PALS1: variants seen among roughly 807,000 people sequenced by gnomAD.
PALS1 encodes the protein protein associated with LIN7 1, MAGUK p55 family member, also known as protein PALS1.
In PALS1, 31 loss-of-function variants were observed where a neutral mutation model predicts 78.9. The observed-to-expected ratio is 0.39, with a 90% CI of 0.30 to 0.53. The LOEUF is 0.53. PALS1 is among the 20% of genes least tolerant of loss of function. The probability of loss-of-function intolerance (pLI) is 0.67; values close to 1 mark genes in which losing one functional copy is unlikely to be tolerated. For synonymous variants in PALS1, 276 were observed against 270.9 expected (o/e 1.02, Z -0.18); for missense variants, 704 against 826.5 (o/e 0.85, Z 1.82).
At chr14:67,300,856 A>G (rs1338765415) in intron 4 of PALS1, among the ~76,000 whole-genome samples, 1 of 151,584 alleles carries the variant, frequency 6.6e-6, no homozygotes, top group African/African-American at 2.4e-5. Context: ...TTTTAATTAT[A>G]TAAAAAAATT....
At chr14:67,316,630 T>C (rs954535043) in intron 9 of PALS1, among the ~76,000 whole-genome samples, 3 of 152,200 alleles carry the variant, frequency 2.0e-5, no homozygotes, top group African/African-American at 7.2e-5. Context: ...ATAATACATA[T>C]GGGATTGATT....
intron 12 of PALS1, 76 bp from the exon 13 acceptor site, chr14:67,320,980 CT>C: frequency 8.3e-7 from 1 of 1,206,656 alleles, no homozygotes; most frequent in Non-Finnish European, 1.2e-6. Flanking sequence ...AATAGAAATT[CT>C]TTCTGACTAG....
In PALS1 at chr14:67,332,816, G is replaced by A. The variant is rs1413758873; in HGVS notation, c.1888G>A (p.Glu630Lys). Residue 630 changes from glutamate (E) to lysine (K), a missense_variant, in exon 15 of 15, where the codon GAG becomes AAG. Physicochemically the swap from Glu to Lys is moderately conservative, Grantham distance 56. Transcript: ENST00000261681. ...ELREIIEKTR[E>K]MEQNNGHYFD... ...GAGAGAAATCATTGAGAAGACAAGA[G>A]AGATGGAGCAGAACAATGGCCACTA... is the stretch of plus-strand genomic sequence containing the variant. 1 of 1,613,488 alleles carries A rather than the reference G, an allele frequency of 6.2e-7. No individual in the cohort carries two copies. The highest frequency in any genetic ancestry group is 2.2e-5 in the East Asian group (1 of 44,864).
chr14:67,251,055 A>G (rs1197567486), intron 1 of PALS1, among the ~76,000 whole-genome samples: 2 of 152,158 alleles, frequency 1.3e-5, no homozygotes, highest in African/African-American at 4.8e-5. Context: ...GAGATTAAAT[A>G]TTTTTTCCAT....
intron 1 of PALS1, among the ~76,000 whole-genome samples, chr14:67,255,627 G>A (rs142803883): frequency 3.7e-4 from 56 of 152,228 alleles, no homozygotes; most frequent in African/African-American, 1.2e-3. Context: ...ATAACACTTC[G>A]ATTACTTTTC....
Position 67,321,358 on chromosome 14 carries a change from A to G in PALS1, c.1740+99A>G. 2.7e-6 allele frequency: 3 copies of G among 1,093,814 alleles called. No individual in the cohort carries two copies. The South Asian group carries it at 4.2e-5, about 15-fold the overall frequency. The allele number at this position is 1,093,814 out of a possible 1,614,324, so 67.8% of individuals were successfully genotyped here. On this transcript the variant is annotated intron_variant, in intron 13 of 14. Transcript: ENST00000261681. The stretch of plus-strand genomic sequence containing the variant: ...TTTTGGTCCAAGAACAGCGCGACCT[A>G]ATTAAGTTCTCATACGGTTTTTCCC...
rs563362129 is a variant in PALS1 at position 67,265,673 on chromosome 14, A to G, written c.-236-4028A>G. Among the ~76,000 whole-genome samples, 15 of 152,268 alleles carry G rather than the reference A, an allele frequency of 9.9e-5. No homozygotes were observed. In the East Asian group the frequency reaches 2.9e-3, roughly 29 times the overall value. ...GAAGTTCAAGACCAGCCTAGCCAAC[A>G]TGGTAAAACCCTGTCTCTACTAAAA... On this transcript the variant is annotated intron_variant, in intron 1 of 14. Transcript: ENST00000261681.
chr14:67,308,783 C>G (rs1233875599), intron 8 of PALS1, among the ~76,000 whole-genome samples: 1 of 151,964 alleles, frequency 6.6e-6, no homozygotes, highest in East Asian at 1.9e-4. Flanking sequence ...ATGTCCCCTC[C>G]CATATTGTAT....
At chr14:67,315,421 T>TG (rs2085155620) in intron 9 of PALS1, among the ~76,000 whole-genome samples, 1 of 151,686 alleles carries the variant, frequency 6.6e-6, no homozygotes, top group African/African-American at 2.4e-5. Context: ...GGACTACAGG[T>TG]GCCCACCACC....
At chr14:67,315,866 G>C (rs1464695467) in intron 9 of PALS1, among the ~76,000 whole-genome samples, 1 of 152,186 alleles carries the variant, frequency 6.6e-6, no homozygotes, top group Non-Finnish European at 1.5e-5. Context: ...CGGAGGTTGC[G>C]GTGAGCCAAG....
intron 5 of PALS1, 31 bp downstream of exon 5, chr14:67,301,497 G>A (rs775517015): frequency 2.7e-6 from 4 of 1,492,362 alleles, no homozygotes; most frequent in Non-Finnish European, 3.7e-6. Context: ...TATATATGTG[G>A]TTTTTCCAGC....
chr14:67,320,314 T>C lies in PALS1; in HGVS notation c.1454T>C (p.Ile485Thr), dbSNP rs1191939880. ...PANRKRPIIL[I>T]GPQNCGQNEL... ...AATAGGAAGAGACCTATCATCTTGATTGGTCCACAGAACTGTGGCCAGAAT... is the reference window on the plus strand; with the variant it reads ...AATAGGAAGAGACCTATCATCTTGACTGGTCCACAGAACTGTGGCCAGAAT... The change falls in exon 12 of 15, where the codon ATT (isoleucine) becomes ACT (threonine). Residue 485 changes from isoleucine (I) to threonine (T), a missense_variant. Coordinates refer to ENST00000261681, the MANE Select transcript of PALS1 (RefSeq NM_022474.4). 3 of 1,614,062 alleles carry C rather than the reference T, an allele frequency of 1.9e-6. No individual in the cohort carries two copies. The highest frequency in any genetic ancestry group is 2.5e-6 in the Non-Finnish European group (3 of 1,179,980).
chr14:67,331,380 T>C (rs1376268014), intron 14 of PALS1, among the ~76,000 whole-genome samples: 3 of 152,058 alleles, frequency 2.0e-5, no homozygotes, highest in Non-Finnish European at 2.9e-5. Context: ...TACTCAATGA[T>C]AGAAGTGCTG....
rs745476727 is a variant in PALS1, at chr14:67,332,778, A to C, written c.1852-2A>C. ...CTCACAGTTTTTATCTTCTGTTTGCAGCCTGAAGAGTTGAGAGAAATCATT... is the reference window on the plus strand; with the variant it reads ...CTCACAGTTTTTATCTTCTGTTTGCCGCCTGAAGAGTTGAGAGAAATCATT... On this transcript the variant is annotated splice_acceptor_variant, in intron 14 of 14. Transcript: ENST00000261681. LOFTEE classifies it high-confidence loss of function. 1 of 1,604,044 alleles carries C rather than the reference A, an allele frequency of 6.2e-7. No individual in the cohort carries two copies. The highest frequency in any genetic ancestry group is 8.5e-7 in the Non-Finnish European group (1 of 1,172,776).
At chr14:67,273,328 T>C (rs186796074) in intron 2 of PALS1, among the ~76,000 whole-genome samples, 241 of 146,364 alleles carry the variant, frequency 1.6e-3, no homozygotes, top group African/African-American at 5.9e-3. Flanking sequence ...TGTGTCCAAG[T>C]GTTCTCATTT....
At position 67,334,262 on chromosome 14, in the gene PALS1, T is replaced by A. The variant is rs966635651; in HGVS notation, c.*1306T>A. On this transcript the variant is annotated 3_prime_UTR_variant, in exon 15 of 15. Coordinates refer to ENST00000261681, the MANE Select transcript of PALS1 (RefSeq NM_022474.4). ...AGAAACATTTAAGCTAATAGGATTT[T>A]CGTACTGTCTCTATAGCTGTAGCTT... 4 of 152,650 alleles carry A rather than the reference T, an allele frequency of 2.6e-5. No homozygotes were observed. The highest frequency in any genetic ancestry group is 6.5e-5 in the Admixed American group (1 of 15,274). The allele number at this position is 152,650 out of a possible 1,614,324, so 9.5% of individuals were successfully genotyped here. A position where few individuals can be genotyped will look rare whatever the true frequency, so the allele number is the denominator to read the frequency against.
intron 2 of PALS1, among the ~76,000 whole-genome samples, chr14:67,273,679 A>G (rs142018239): frequency 0.032 from 4,804 of 152,234 alleles, 92 homozygotes; most frequent in Non-Finnish European, 0.036. Flanking sequence ...CTAGTTCTAG[A>G]TCTCTGAGGA....
chr14:67,269,677 T>C (rs768352432), intron 1 of PALS1, 24 bp from the exon 2 acceptor site: 1 of 152,544 alleles, frequency 6.6e-6, no homozygotes, highest in Non-Finnish European at 1.5e-5. Context: ...ATTTGATCAA[T>C]TGTCTCATTT....
chr14:67,308,795 T>C (rs2085047681), intron 8 of PALS1, among the ~76,000 whole-genome samples: 1 of 152,138 alleles, frequency 6.6e-6, no homozygotes, highest in Non-Finnish European at 1.5e-5. Context: ...ATATTGTATA[T>C]ATATGTACTA....
Sources: allele counts gnomAD v4.1 joint callset (sites outside exome capture counted in the v4.1 genomes callset), GRCh38; gene constraint gnomAD v4.1.1; transcripts MANE v1.5; gene names NCBI Gene and HGNC (gene_info 2026-07-23, HGNC 2026-07-21).